Variants in ARFGEF3 observed in about 807,000 individuals in gnomAD.
ARFGEF3 encodes the protein ARFGEF family member 3, also known as brefeldin A-inhibited guanine nucleotide-exchange protein 3.
A neutral mutation model predicts 221.7 loss-of-function variants in ARFGEF3; 96 were observed. That is an observed-to-expected ratio of 0.43 (90% CI 0.37 to 0.51). The LOEUF (loss-of-function observed/expected upper bound fraction) is 0.51. Among genes scored for constraint, ARFGEF3 ranks in the 20% least tolerant of loss-of-function variants. The pLI is 0.00. For missense variants in ARFGEF3, 2,410 were observed against 2,789.9 expected (o/e 0.86, Z 3.07); for synonymous variants, 1,145 against 1,126.8 (o/e 1.02, Z -0.32).
chr6:138,163,788 C>G (rs534437750), intron 1 of ARFGEF3, among the ~76,000 whole-genome samples: 1 of 152,114 alleles, frequency 6.6e-6, no homozygotes, highest in Admixed American at 6.5e-5. Context: ...AGTGATTGTT[C>G]TGTCATTAGC....
chr6:138,288,570 T>G (rs1189520185), intron 17 of ARFGEF3, among the ~76,000 whole-genome samples: 3 of 151,840 alleles, frequency 2.0e-5, no homozygotes, highest in Non-Finnish European at 4.4e-5. Context: ...GTGCCTGTAA[T>G]CCCAGCTACT....
In ARFGEF3 at chr6:138,263,116, A is replaced by T. The variant is rs1432844124; in HGVS notation, c.1633A>T (p.Lys545Ter). 6.2e-7 allele frequency: 1 copy of T among 1,613,982 alleles called. No homozygotes were observed. ...SLKSPAIPEG[K>*]ETLSKVLETE... Reference sequence around the variant, plus strand: ...CAAGTCGCCAGCCATCCCAGAGGGTAAGGAGACGCTGAGCAAAGTATTGGA... The same window carrying T: ...CAAGTCGCCAGCCATCCCAGAGGGTTAGGAGACGCTGAGCAAAGTATTGGA... The change falls in exon 12 of 34, where the codon AAG becomes TAG. Residue 545 changes from lysine (K) to a stop codon, truncating the protein, a stop_gained. Coordinates refer to ENST00000251691, the MANE Select transcript of ARFGEF3 (RefSeq NM_020340.5). LOFTEE classifies it high-confidence loss of function.
chr6:138,243,688 TAGTG>T (rs1232842732), intron 7 of ARFGEF3, among the ~76,000 whole-genome samples: 5 of 149,578 alleles, frequency 3.3e-5, no homozygotes, highest in African/African-American at 1.3e-4. Flanking sequence ...CAGTTAATAA[TAGTG>T]AGAAGGAGAT....
intron 12 of ARFGEF3, among the ~76,000 whole-genome samples, chr6:138,270,413 A>G (rs1194692164): frequency 8.0e-6 from 1 of 124,736 alleles, no homozygotes; most frequent in Non-Finnish European, 1.8e-5. Context: ...CTCTAACTTC[A>G]GGAATTTTAC....
At chr6:138,176,875 C>T (rs1367085113) in intron 2 of ARFGEF3, among the ~76,000 whole-genome samples, 1 of 151,940 alleles carries the variant, frequency 6.6e-6, no homozygotes, top group Non-Finnish European at 1.5e-5. Flanking sequence ...CTTATTCTTT[C>T]TGGATATAAA....
chr6:138,228,429 C>T (rs935075986), intron 4 of ARFGEF3, among the ~76,000 whole-genome samples: 7 of 151,444 alleles, frequency 4.6e-5, no homozygotes, highest in Non-Finnish European at 7.4e-5. Context: ...TCAAGTGATC[C>T]GCCCACCTCA....
chr6:138,323,144 C>T (rs1457662880), intron 29 of ARFGEF3, among the ~76,000 whole-genome samples: 1 of 152,012 alleles, frequency 6.6e-6, no homozygotes, highest in Non-Finnish European at 1.5e-5. Context: ...TAATGATTGG[C>T]CTATTTGTAG....
At chr6:138,176,471 G>A (rs1776950429) in intron 2 of ARFGEF3, among the ~76,000 whole-genome samples, 1 of 152,116 alleles carries the variant, frequency 6.6e-6, no homozygotes, top group Admixed American at 6.5e-5. Context: ...CTGAGCCACT[G>A]CACCCAGCCT....
Position 138,170,674 on chromosome 6 carries a change from G to A in ARFGEF3, c.98G>A (p.Gly33Asp). Residue 33 changes from glycine (G) to aspartate (D), a missense_variant, in exon 2 of 34, where the codon GGT becomes GAT. Physicochemically the swap from Gly to Asp is moderately conservative, Grantham distance 94. Coordinates refer to ENST00000251691, the MANE Select transcript of ARFGEF3 (RefSeq NM_020340.5). ...SCTWALETLG[G>D]LDTIVKIPPH... ...TTTTCTTTTGCAGAAACTCTAGGTG[G>A]TCTGGATACCATTGTCAAGATCCCT... 6.3e-7 allele frequency: 1 copy of A among 1,577,144 alleles called. No individual in the cohort carries two copies. Among genetic ancestry groups the A allele is most frequent in the Non-Finnish European group, 8.7e-7 (1 of 1,146,892 alleles).
intron 4 of ARFGEF3, 62 bp from the exon 5 acceptor site, chr6:138,229,722 C>T: frequency 7.8e-7 from 1 of 1,282,340 alleles, no homozygotes; most frequent in Non-Finnish European, 1.1e-6. Flanking sequence ...GCATATGAAA[C>T]AACAGTGAAT....
At chr6:138,212,063 A>G (rs558482803) in intron 4 of ARFGEF3, among the ~76,000 whole-genome samples, 1 of 152,336 alleles carries the variant, frequency 6.6e-6, no homozygotes, top group South Asian at 2.1e-4. Context: ...GTTACATGCT[A>G]TTATTTTTTT....
intron 8 of ARFGEF3, among the ~76,000 whole-genome samples, chr6:138,252,636 T>A: frequency 6.6e-6 from 1 of 152,094 alleles, no homozygotes; most frequent in East Asian, 1.9e-4. Context: ...CTCCTGGGGG[T>A]AATTTGAACT....
intron 4 of ARFGEF3, among the ~76,000 whole-genome samples, chr6:138,211,856 A>G (rs1260163696): frequency 1.3e-5 from 2 of 152,218 alleles, no homozygotes; most frequent in Admixed American, 1.3e-4. Flanking sequence ...TGCCGAAGAT[A>G]GGAGTTGACA....
chr6:138,195,387 T>C (rs1011842926), intron 2 of ARFGEF3, among the ~76,000 whole-genome samples: 54 of 152,260 alleles, frequency 3.5e-4, no homozygotes, highest in African/African-American at 1.3e-3. Flanking sequence ...AAAACCAAAA[T>C]CATCCACATT....
intron 18 of ARFGEF3, among the ~76,000 whole-genome samples, chr6:138,290,309 T>C (rs1779380519): frequency 6.6e-6 from 1 of 152,210 alleles, no homozygotes; most frequent in South Asian, 2.1e-4. Flanking sequence ...ACTGGTCATG[T>C]CTCCTCAATA....
At chr6:138,209,708 A>G (rs1278648632) in intron 3 of ARFGEF3, among the ~76,000 whole-genome samples, 1 of 152,102 alleles carries the variant, frequency 6.6e-6, no homozygotes, top group African/African-American at 2.4e-5. Context: ...TCAGCCTCCC[A>G]AAGTGCTGGG....
intron 24 of ARFGEF3, among the ~76,000 whole-genome samples, chr6:138,309,866 G>A (rs1252346705): frequency 2.6e-5 from 4 of 152,176 alleles, no homozygotes; most frequent in Non-Finnish European, 4.4e-5. Flanking sequence ...ATTAGATGGT[G>A]TCTGCCTACA....
At chr6:138,306,745 C>T (rs891728704) in intron 22 of ARFGEF3, among the ~76,000 whole-genome samples, 1 of 150,272 alleles carries the variant, frequency 6.7e-6, no homozygotes, top group African/African-American at 2.4e-5. Context: ...TAAAAATAAA[C>T]TTACACCTTT....
chr6:138,285,702 T>C (rs1260204299), intron 14 of ARFGEF3, among the ~76,000 whole-genome samples: 2 of 152,170 alleles, frequency 1.3e-5, no homozygotes, highest in Non-Finnish European at 2.9e-5. Flanking sequence ...TAATTTATAA[T>C]GTACATCTAT....
Sources: allele counts gnomAD v4.1 joint callset (sites outside exome capture counted in the v4.1 genomes callset), GRCh38; gene constraint gnomAD v4.1.1; transcripts MANE v1.5; gene names NCBI Gene and HGNC (gene_info 2026-07-23, HGNC 2026-07-21).